The following SAMHD1 variants were observed in gnomAD, a reference collection of about 807,000 sequenced individuals.
SAMHD1 encodes SAM and HD domain containing deoxynucleoside triphosphate triphosphohydrolase 1, also known as deoxynucleoside triphosphate triphosphohydrolase SAMHD1.
In SAMHD1, 54 loss-of-function variants were observed where a neutral mutation model predicts 79.6. The observed-to-expected ratio is 0.68, with a 90% confidence interval of 0.55 to 0.85. SAMHD1 has a LOEUF of 0.85. Among genes scored for constraint, SAMHD1 ranks in the 40% least tolerant of loss-of-function variants. SAMHD1 has a pLI of 0.00. For missense variants in SAMHD1, 663 were observed against 782.7 expected, an observed-to-expected ratio of 0.85 and a Z score of 1.82; for synonymous variants, 260 against 264.1, an observed-to-expected ratio of 0.98 and a Z score of 0.15.
intron 3 of SAMHD1, among the ~76,000 whole-genome samples, chr20:36,939,308 G>A (rs1441668154): frequency 2.7e-5 from 4 of 148,264 alleles, no homozygotes; most frequent in Non-Finnish European, 6.0e-5. Context: ...AAATAACCGG[G>A]TAGGCCAGAC....
intron 3 of SAMHD1, among the ~76,000 whole-genome samples, chr20:36,936,625 T>C (rs2063605425): frequency 6.6e-6 from 1 of 152,044 alleles, no homozygotes; most frequent in Non-Finnish European, 1.5e-5. Context: ...TTTTAAACCA[T>C]TTAAGGACCT....
intron 3 of SAMHD1, among the ~76,000 whole-genome samples, chr20:36,936,101 C>T (rs1200573119): frequency 6.6e-6 from 1 of 151,768 alleles, no homozygotes; most frequent in African/African-American, 2.4e-5. Context: ...AACAAAAATG[C>T]AGTGGCGCAC....
intron 4 of SAMHD1, among the ~76,000 whole-genome samples, chr20:36,931,352 T>C (rs1325150760): frequency 6.6e-6 from 1 of 152,200 alleles, no homozygotes. Context: ...CTTGAAAAGA[T>C]TGGCTGGGCT....
chr20:36,913,057 C>T (rs867957733), intron 9 of SAMHD1, among the ~76,000 whole-genome samples: 2 of 141,218 alleles, frequency 1.4e-5, no homozygotes, highest in African/African-American at 2.7e-5. Flanking sequence ...AGTGCAGTGG[C>T]GCCATCTCGG....
chr20:36,926,785 C>A (rs536115909), intron 6 of SAMHD1, among the ~76,000 whole-genome samples: 13 of 152,084 alleles, frequency 8.5e-5, no homozygotes, highest in Non-Finnish European at 1.6e-4. Flanking sequence ...TATGACTTGG[C>A]TGGTAAGTTA....
chr20:36,935,129 C>G lies in SAMHD1; in HGVS notation c.409G>C (p.Asp137His). The G allele has an allele frequency of 6.2e-7, 1 of 1,613,818 alleles. No individual in the cohort carries two copies. The highest frequency in any genetic ancestry group is 8.5e-7 in the Non-Finnish European group (1 of 1,179,756). ...CGAAGACGTTGAAATTGAGGTGTAT[C>G]AATGATTCGGACGAGGAGAGGGTGG... ...ELHPLLVRII[D>H]TPQFQRLRYI... The change falls in exon 4 of 16, where the codon GAT (aspartate) becomes CAT (histidine). Residue 137 changes from aspartate to histidine, a missense_variant. Asp to His is a moderately conservative substitution (Grantham distance 81, BLOSUM62 -1). Coordinates refer to ENST00000646673, the MANE Select transcript of SAMHD1 (RefSeq NM_015474.4).
chr20:36,911,398 T>A, intron 10 of SAMHD1, 65 bp from the exon 11 acceptor site: 2 of 982,884 alleles, frequency 2.0e-6, no homozygotes, highest in Non-Finnish European at 1.6e-6. Flanking sequence ...TATGTCTTAC[T>A]TAAGGAAATC....
chr20:36,899,610 G>A (rs1990263822), intron 13 of SAMHD1, among the ~76,000 whole-genome samples: 1 of 152,142 alleles, frequency 6.6e-6, no homozygotes, highest in Non-Finnish European at 1.5e-5. Flanking sequence ...CATTTTCCTG[G>A]GAAAGTGACT....
intron 2 of SAMHD1, among the ~76,000 whole-genome samples, chr20:36,942,824 G>C (rs2063656298): frequency 6.6e-6 from 1 of 151,608 alleles, no homozygotes. Context: ...TTTCTTTTTT[G>C]TTTTTGTATT....
intron 12 of SAMHD1, chr20:36,905,041 A>G (rs966255500): frequency 5.8e-6 from 2 of 343,746 alleles, no homozygotes; most frequent in Non-Finnish European, 1.1e-5. Flanking sequence ...CCTTTCCCTT[A>G]TATTCATTTT....
chr20:36,914,888 T>A (rs1411042310), intron 9 of SAMHD1, among the ~76,000 whole-genome samples: 1 of 150,010 alleles, frequency 6.7e-6, no homozygotes, highest in African/African-American at 2.4e-5. Context: ...GGCATGCGCC[T>A]GTGGTCCCAG....
At chr20:36,942,131 A>T (rs928014913) in intron 2 of SAMHD1, among the ~76,000 whole-genome samples, 3 of 152,122 alleles carry the variant, frequency 2.0e-5, no homozygotes, top group African/African-American at 7.2e-5. Flanking sequence ...AAACCCCAAA[A>T]TCGGCCGGGC....
intron 15 of SAMHD1, among the ~76,000 whole-genome samples, chr20:36,897,197 G>T (rs1174871527): frequency 6.6e-6 from 1 of 152,206 alleles, no homozygotes; most frequent in Non-Finnish European, 1.5e-5. Context: ...GAGGTGTGAG[G>T]GAGAGTTCTA....
At chr20:36,947,528 T>A (rs2063700073) in intron 1 of SAMHD1, among the ~76,000 whole-genome samples, 1 of 127,520 alleles carries the variant, frequency 7.8e-6, no homozygotes, top group Non-Finnish European at 1.6e-5. Context: ...GGGAAAGCAC[T>A]CAATACTCTG....
intron 2 of SAMHD1, among the ~76,000 whole-genome samples, chr20:36,944,059 CAG>C (rs1568783748): frequency 9.1e-6 from 1 of 109,590 alleles, no homozygotes; most frequent in Non-Finnish European, 1.7e-5. Context: ...GCCTGAGTGA[CAG>C]AGCAAGACTC....
chr20:36,950,562 G>A (rs1271112668), intron 1 of SAMHD1, among the ~76,000 whole-genome samples: 2 of 152,090 alleles, frequency 1.3e-5, no homozygotes, highest in African/African-American at 4.8e-5. Context: ...ACAAAAAGTT[G>A]AGTAGAATTC....
At chr20:36,893,248 C>T in intron 15 of SAMHD1, 182 bp from the exon 16 acceptor site, 2 of 682,942 alleles carry the variant, frequency 2.9e-6, no homozygotes, top group Non-Finnish European at 5.0e-6. Context: ...AGAAACACTA[C>T]AGTCTTACGC....
intron 12 of SAMHD1, 98 bp downstream of exon 12, chr20:36,905,266 G>A (rs2063398152): frequency 7.7e-7 from 1 of 1,296,912 alleles, no homozygotes; most frequent in African/African-American, 1.5e-5. Context: ...TAAACGTAAA[G>A]CACTTAGTAC....
chr20:36,947,054 A>G (rs1437428165), intron 1 of SAMHD1: 1 of 373,438 alleles, frequency 2.7e-6, no homozygotes. Flanking sequence ...TAGTTCCAAG[A>G]AAAACCAGTT....
Sources: gnomAD v4.1 joint callset for allele counts (sites outside exome capture counted in the v4.1 genomes callset) on GRCh38, gnomAD v4.1.1 for gene constraint, MANE v1.5 for transcripts, NCBI Gene and HGNC (gene_info 2026-07-23, HGNC 2026-07-21) for gene names.